CAB39: variants seen among roughly 807,000 people sequenced by gnomAD.
CAB39 encodes the protein calcium binding protein 39, also known as calcium-binding protein 39.
In CAB39, 8 loss-of-function variants were observed where a neutral mutation model predicts 40.0. That is an observed-to-expected ratio of 0.20 (90% CI 0.12 to 0.36). The LOEUF (loss-of-function observed/expected upper bound fraction) is 0.36. CAB39 is among the 10% of genes least tolerant of loss of function. CAB39 has a pLI of 1.00. For missense variants in CAB39, 270 were observed against 401.1 expected (o/e 0.67, Z 2.79); for synonymous variants, 156 against 141.6 (o/e 1.10, Z -0.72).
intron 5 of CAB39, among the ~76,000 whole-genome samples, chr2:230,802,801 G>A (rs531237045): frequency 1.1e-4 from 16 of 152,226 alleles, no homozygotes; most frequent in Admixed American, 7.2e-4. Context: ...AGGACCAGAC[G>A]GATTCACAGC....
At chr2:230,714,966 T>C (rs59537704) in intron 1 of CAB39, among the ~76,000 whole-genome samples, 4,055 of 152,320 alleles carry the variant, frequency 0.027, 172 homozygotes, top group African/African-American at 0.092. Flanking sequence ...ACATGATCTT[T>C]GTCAAAGCTT....
At chr2:230,759,393 A>G (rs992897201) in intron 1 of CAB39, among the ~76,000 whole-genome samples, 3 of 152,168 alleles carry the variant, frequency 2.0e-5, no homozygotes, top group Non-Finnish European at 2.9e-5. Context: ...TTGGCTAAAC[A>G]CCCTACCTAA....
intron 1 of CAB39, among the ~76,000 whole-genome samples, chr2:230,757,761 A>G (rs1034123214): frequency 3.9e-5 from 6 of 152,146 alleles, no homozygotes; most frequent in African/African-American, 1.4e-4. Context: ...TTCAGAGGAC[A>G]TATTGTGAGT....
intron 3 of CAB39, 120 bp from the exon 4 acceptor site, chr2:230,793,093 A>G (rs1695918088): frequency 1.6e-6 from 1 of 613,070 alleles, no homozygotes; most frequent in Non-Finnish European, 3.0e-6. Flanking sequence ...TGAATGTGTT[A>G]AAGTCAGATA....
At chr2:230,806,956 A>G (rs900875846) in intron 5 of CAB39, among the ~76,000 whole-genome samples, 4 of 152,208 alleles carry the variant, frequency 2.6e-5, no homozygotes, top group Non-Finnish European at 5.9e-5. Context: ...GCTTTTAGGA[A>G]GCTTTTAAAT....
At chr2:230,813,680 G>C (rs1231505308) in intron 6 of CAB39, among the ~76,000 whole-genome samples, 1 of 152,064 alleles carries the variant, frequency 6.6e-6, no homozygotes, top group East Asian at 1.9e-4. Context: ...CAAGATATGA[G>C]AGCAGACTCA....
intron 1 of CAB39, among the ~76,000 whole-genome samples, chr2:230,742,727 G>A (rs377160181): frequency 2.6e-5 from 4 of 152,122 alleles, no homozygotes; most frequent in African/African-American, 9.7e-5. Flanking sequence ...TGTCATTAAT[G>A]ATTGGCAATT....
chr2:230,713,773 G>T (rs989432965), intron 1 of CAB39: 4 of 152,350 alleles, frequency 2.6e-5, no homozygotes, highest in African/African-American at 9.6e-5. Flanking sequence ...TGCAGGCGCC[G>T]TAGTCGGCCC....
intron 1 of CAB39, among the ~76,000 whole-genome samples, chr2:230,719,991 C>A (rs58906538): frequency 0.11 from 16,825 of 152,140 alleles, 1,165 homozygotes; most frequent in Middle Eastern, 0.16. Context: ...AGAATAACAT[C>A]AAAATGTGTA....
intron 2 of CAB39, among the ~76,000 whole-genome samples, chr2:230,760,431 T>G (rs1468255527): frequency 6.6e-6 from 1 of 152,206 alleles, no homozygotes; most frequent in African/African-American, 2.4e-5. Flanking sequence ...TTGCCCAGGC[T>G]AGTCTCAAAC....
chr2:230,753,579 C>T (rs1410752144), intron 1 of CAB39, among the ~76,000 whole-genome samples: 6 of 151,590 alleles, frequency 4.0e-5, no homozygotes, highest in Admixed American at 1.3e-4. Context: ...ATGGTGAAAC[C>T]CCGTCTCTAC....
intron 7 of CAB39, among the ~76,000 whole-genome samples, chr2:230,816,611 C>G (rs1378045539): frequency 6.6e-6 from 1 of 152,194 alleles, no homozygotes; most frequent in Non-Finnish European, 1.5e-5. Context: ...GCCAGAAACC[C>G]AGAAAGGAAG....
At chr2:230,730,559 T>A (rs912951238) in intron 1 of CAB39, among the ~76,000 whole-genome samples, 1 of 151,754 alleles carries the variant, frequency 6.6e-6, no homozygotes, top group Non-Finnish European at 1.5e-5. Context: ...ATTTCCTGCC[T>A]CAGCCTCCTG....
intron 1 of CAB39, among the ~76,000 whole-genome samples, chr2:230,748,073 C>G (rs551965163): frequency 2.7e-5 from 4 of 150,820 alleles, no homozygotes; most frequent in African/African-American, 9.7e-5. Context: ...TTGTATTTGA[C>G]TATATGAGGC....
At chr2:230,728,634 G>C (rs1281069055) in intron 1 of CAB39, among the ~76,000 whole-genome samples, 1 of 152,088 alleles carries the variant, frequency 6.6e-6, no homozygotes, top group Non-Finnish European at 1.5e-5. Flanking sequence ...TTTTGAGACA[G>C]GGTCTTGCTT....
At chr2:230,724,826 C>CA (rs1694530744) in intron 1 of CAB39, among the ~76,000 whole-genome samples, 8 of 148,090 alleles carry the variant, frequency 5.4e-5, no homozygotes, top group Admixed American at 2.7e-4. Flanking sequence ...ACTGTTGTGC[C>CA]AAAAAAGGAG....
intron 1 of CAB39, among the ~76,000 whole-genome samples, chr2:230,732,343 A>G (rs1473379980): frequency 6.6e-6 from 1 of 152,120 alleles, no homozygotes; most frequent in Non-Finnish European, 1.5e-5. Context: ...CGGCCTCCCA[A>G]AGTGCTGGGA....
intron 1 of CAB39, among the ~76,000 whole-genome samples, chr2:230,720,672 G>A (rs1244026185): frequency 6.6e-6 from 1 of 152,088 alleles, no homozygotes; most frequent in Non-Finnish European, 1.5e-5. Context: ...CGCCCACCTC[G>A]GCCTCCCAAA....
chr2:230,725,713 G>C (rs1189060619), intron 1 of CAB39, among the ~76,000 whole-genome samples: 1 of 152,178 alleles, frequency 6.6e-6, no homozygotes, highest in Non-Finnish European at 1.5e-5. Flanking sequence ...TTCTGATACA[G>C]AAACAGATGA....
Sources: gnomAD v4.1 joint callset for allele counts (sites outside exome capture counted in the v4.1 genomes callset) on GRCh38, gnomAD v4.1.1 for gene constraint, MANE v1.5 for transcripts, NCBI Gene and HGNC (gene_info 2026-07-23, HGNC 2026-07-21) for gene names.